Variants in SH3D19 observed in about 807,000 individuals in gnomAD.
SH3D19 encodes the protein SH3 domain containing 19.
A neutral mutation model predicts 112.1 loss-of-function variants in SH3D19; 58 were observed. The ratio of observed to expected loss-of-function variants is 0.52; its 90% confidence interval spans 0.42 to 0.64. SH3D19 has a LOEUF of 0.64. Among genes scored for constraint, SH3D19 ranks in the 30% least tolerant of loss-of-function variants. The pLI is 0.00. For missense variants in SH3D19, 1,090 were observed against 1,263.4 expected (o/e 0.86, Z 2.08); for synonymous variants, 391 against 448.5 (o/e 0.87, Z 1.62).
chr4:151,187,985 T>C (rs1762054979), intron 2 of SH3D19, among the ~76,000 whole-genome samples: 1 of 152,136 alleles, frequency 6.6e-6, no homozygotes, highest in South Asian at 2.1e-4. Context: ...CCTGTCTCTC[T>C]CTCCCCCTTC....
At chr4:151,268,317 C>A (rs550368171) in intron 1 of SH3D19, among the ~76,000 whole-genome samples, 3 of 152,022 alleles carry the variant, frequency 2.0e-5, no homozygotes, top group African/African-American at 7.3e-5. Context: ...ATGGAGCTTG[C>A]GGGAATAGAA....
At chr4:151,237,729 G>T (rs930198185) in intron 1 of SH3D19, among the ~76,000 whole-genome samples, 1 of 152,150 alleles carries the variant, frequency 6.6e-6, no homozygotes, top group African/African-American at 2.4e-5. Flanking sequence ...CTACTATTAT[G>T]ATAATAGTAT....
intron 1 of SH3D19, among the ~76,000 whole-genome samples, chr4:151,240,834 C>T (rs530133382): frequency 1.8e-4 from 28 of 151,954 alleles, no homozygotes; most frequent in African/African-American, 6.5e-4. Flanking sequence ...AAATCCTGTA[C>T]ACAAATATTC....
chr4:151,153,371 C>A (rs1755447570), intron 9 of SH3D19, among the ~76,000 whole-genome samples: 1 of 151,780 alleles, frequency 6.6e-6, no homozygotes, highest in Admixed American at 6.6e-5. Context: ...GTCAGCCTCC[C>A]AAGTAGCTAG....
intron 2 of SH3D19, among the ~76,000 whole-genome samples, chr4:151,197,825 A>G (rs1763701043): frequency 6.6e-6 from 1 of 152,226 alleles, no homozygotes; most frequent in Non-Finnish European, 1.5e-5. Flanking sequence ...AAATGATCAA[A>G]ATATTAATTA....
intron 7 of SH3D19, chr4:151,170,855 A>T (rs566038590): frequency 5.9e-5 from 9 of 152,354 alleles, no homozygotes; most frequent in African/African-American, 2.2e-4. Context: ...TCTCCTATCC[A>T]GTTCCTTCAT....
chr4:151,136,601 A>G (rs1751907049), intron 14 of SH3D19, among the ~76,000 whole-genome samples: 1 of 152,166 alleles, frequency 6.6e-6, no homozygotes, highest in African/African-American at 2.4e-5. Flanking sequence ...AAAGTTTTGA[A>G]GTTTTAAAAC....
intron 16 of SH3D19, 54 bp from the exon 17 acceptor site, chr4:151,132,437 C>T (rs1381264170): frequency 6.6e-7 from 1 of 1,507,152 alleles, no homozygotes. Context: ...ATGTGAAGGC[C>T]ACATAGTATT....
At chr4:151,269,091 C>T (rs1230081612) in intron 1 of SH3D19, among the ~76,000 whole-genome samples, 1 of 152,244 alleles carries the variant, frequency 6.6e-6, no homozygotes, top group African/African-American at 2.4e-5. Flanking sequence ...TCCACATCCT[C>T]TCCAGCACCT....
intron 13 of SH3D19, among the ~76,000 whole-genome samples, chr4:151,138,683 G>A (rs1752345621): frequency 1.8e-5 from 1 of 55,566 alleles, no homozygotes; most frequent in African/African-American, 7.8e-5. Context: ...GCAAGATCTT[G>A]TCTCACACAC....
chr4:151,228,588 A>G (rs942041447), intron 1 of SH3D19, among the ~76,000 whole-genome samples: 5 of 152,210 alleles, frequency 3.3e-5, no homozygotes, highest in African/African-American at 1.2e-4. Context: ...GTCAAGAAAT[A>G]TATTAGTAGA....
At chr4:151,154,632 A>G in intron 9 of SH3D19, among the ~76,000 whole-genome samples, 1 of 151,754 alleles carries the variant, frequency 6.6e-6, no homozygotes, top group East Asian at 2.0e-4. Context: ...GCTGGAGTGC[A>G]GTGGTGCGAT....
chr4:151,126,962 T>G (rs1006244393), intron 19 of SH3D19, among the ~76,000 whole-genome samples: 3 of 147,904 alleles, frequency 2.0e-5, no homozygotes, highest in Non-Finnish European at 4.5e-5. Flanking sequence ...TGGACAAGAG[T>G]GCAGTGGTGC....
At chr4:151,184,994 C>T (rs563528658) in intron 3 of SH3D19, among the ~76,000 whole-genome samples, 11 of 147,820 alleles carry the variant, frequency 7.4e-5, no homozygotes, top group Non-Finnish European at 3.0e-5. Context: ...TTCACCTGTT[C>T]CTTTTAAAAT....
chr4:151,321,410 G>A (rs1022682657), intron 1 of SH3D19, among the ~76,000 whole-genome samples: 4 of 152,060 alleles, frequency 2.6e-5, no homozygotes, highest in African/African-American at 9.7e-5. Context: ...TCTCAGTTGT[G>A]CAGATAGAGA....
chr4:151,308,494 G>A (rs930747558), intron 1 of SH3D19, among the ~76,000 whole-genome samples: 5 of 152,218 alleles, frequency 3.3e-5, no homozygotes, highest in African/African-American at 1.2e-4. Flanking sequence ...ACAAGACTCT[G>A]CCATCTTGCC....
chr4:151,305,506 A>G (rs1728833698), intron 1 of SH3D19, among the ~76,000 whole-genome samples: 1 of 152,356 alleles, frequency 6.6e-6, no homozygotes, highest in Admixed American at 6.5e-5. Context: ...CAAAGATTTG[A>G]ACATTCTTCC....
At chr4:151,136,502 G>T (rs1751881785) in intron 14 of SH3D19, among the ~76,000 whole-genome samples, 1 of 152,162 alleles carries the variant, frequency 6.6e-6, no homozygotes, top group Non-Finnish European at 1.5e-5. Flanking sequence ...GGAGGGCTGG[G>T]TTGCAATAAA....
chr4:151,278,702 C>A (rs976276528), intron 1 of SH3D19, among the ~76,000 whole-genome samples: 2 of 151,994 alleles, frequency 1.3e-5, no homozygotes, highest in Non-Finnish European at 2.9e-5. Context: ...ATGATCTAAA[C>A]TCACCGCATC....
Sources: gnomAD v4.1 joint callset for allele counts (sites outside exome capture counted in the v4.1 genomes callset) on GRCh38, gnomAD v4.1.1 for gene constraint, MANE v1.5 for transcripts, NCBI Gene and HGNC (gene_info 2026-07-23, HGNC 2026-07-21) for gene names.